Variants in HADHA observed in about 807,000 individuals in gnomAD.
HADHA encodes the protein hydroxyacyl-CoA dehydrogenase trifunctional multienzyme complex subunit alpha.
Under a neutral mutation model 91.3 loss-of-function variants are expected in HADHA, and 59 were observed. The observed-to-expected ratio is 0.65, with a 90% CI of 0.52 to 0.80. The LOEUF (loss-of-function observed/expected upper bound fraction) is 0.80, where lower values mean the gene tolerates loss of function less well. Among genes scored for constraint, HADHA ranks in the 30% least tolerant of loss-of-function variants. The probability of loss-of-function intolerance (pLI) is 0.00; values close to 1 mark genes in which losing one functional copy is unlikely to be tolerated. For synonymous variants in HADHA, 320 were observed against 338.9 expected, an observed-to-expected ratio of 0.94 and a Z score of 0.61; for missense variants, 800 against 927.6, an observed-to-expected ratio of 0.86 and a Z score of 1.79.
rs575846672 is a variant in HADHA at position 26,221,062 on chromosome 2, C to T, written c.677-5887G>A. On this transcript the variant is annotated intron_variant, in intron 7 of 19. Transcript: ENST00000380649. The surrounding 1 kb of genome is among the most constrained non-coding windows in gnomAD (Gnocchi z 4.8). ...CAAAGGGTAAGTGTTGCACGTGGCC[C>T]CTCCTACCACAAAAAAACACGGAGA... Among the ~76,000 whole-genome samples, 25 of 152,222 alleles carry T rather than the reference C, an allele frequency of 1.6e-4. No homozygotes were observed. The highest frequency in any genetic ancestry group is 5.8e-4 in the African/African-American group (24 of 41,530).
Position 26,244,608 on chromosome 2 carries a change from G to C in HADHA, c.-12C>G, listed in dbSNP as rs374399738. The C allele has an allele frequency of 3.2e-6, 5 of 1,571,840 alleles. No homozygotes were observed. The highest frequency in any genetic ancestry group is 1.2e-5 in the South Asian group (1 of 85,786). On this transcript the variant is annotated 5_prime_UTR_variant, in exon 1 of 20. Transcript: ENST00000380649. ...CGGCAGGCCACCATCTTGAGCTGAA[G>C]AGGACAGCAGTGGAGAGCGCCTCTA...
rs1669829102 is a variant in HADHA, at chr2:26,201,341, G to A, written c.1221-21C>T. The A allele has an allele frequency of 1.9e-6, 3 of 1,553,380 alleles. No individual in the cohort carries two copies. In the Admixed American group the frequency reaches 5.0e-5, roughly 26 times the overall value. ...TCAATCTAGAAAAAACACATTCCTA[G>A]TTAGATGGGAAGAAAAGGAAACTAA... is the stretch of plus-strand genomic sequence containing the variant. On this transcript the variant is annotated intron_variant, in intron 12 of 19. Transcript: ENST00000380649.
chr2:26,198,798 C>T (rs1334651906), intron 13 of HADHA, among the ~76,000 whole-genome samples: 2 of 151,860 alleles, frequency 1.3e-5, no homozygotes, highest in African/African-American at 2.4e-5. Context: ...AACTATAATC[C>T]CAACACTTCA....
intron 1 of HADHA, 24 bp from the exon 2 acceptor site, chr2:26,239,167 T>A (rs1199526641): frequency 6.5e-7 from 1 of 1,534,254 alleles, no homozygotes; most frequent in Admixed American, 1.7e-5. Flanking sequence ...CATTTCAAAA[T>A]TAATTTGCGA....
chr2:26,231,016 A>C (rs1040278102), intron 6 of HADHA, among the ~76,000 whole-genome samples: 4 of 152,202 alleles, frequency 2.6e-5, no homozygotes, highest in African/African-American at 9.6e-5. Context: ...TTTTAAGCTT[A>C]ACAAAAATAG....
At chr2:26,201,826 G>C (rs1401568981) in intron 12 of HADHA, among the ~76,000 whole-genome samples, 1 of 150,750 alleles carries the variant, frequency 6.6e-6, no homozygotes, top group Non-Finnish European at 1.5e-5. Context: ...ACGGAGTCTC[G>C]CTCTGTTGCC....
chr2:26,244,629 C>T lies in HADHA; in HGVS notation c.-33G>A, dbSNP rs761913947. ...TGAAGAGGACAGCAGTGGAGAGCGC[C>T]TCTAACGGGTGCGGCCGAGCGGAGG... On this transcript the variant is annotated 5_prime_UTR_variant, in exon 1 of 20. Transcript: ENST00000380649. 2 of 1,560,214 alleles carry T rather than the reference C, an allele frequency of 1.3e-6. No individual in the cohort carries two copies. The highest frequency in any genetic ancestry group is 1.4e-5 in the African/African-American group (1 of 73,642).
At chr2:26,222,270 C>T (rs1044273005) in intron 7 of HADHA, among the ~76,000 whole-genome samples, 5 of 152,228 alleles carry the variant, frequency 3.3e-5, no homozygotes, top group Non-Finnish European at 5.9e-5. Flanking sequence ...AACCTGCTAA[C>T]ACCTGATCTT....
chr2:26,230,674 C>T (rs998408681), intron 6 of HADHA, among the ~76,000 whole-genome samples: 16 of 152,058 alleles, frequency 1.1e-4, no homozygotes, highest in African/African-American at 2.9e-4. Context: ...AATTCCAGCA[C>T]TTTGGGAGGC....
chr2:26,195,193 G>C lies in HADHA; in HGVS notation c.1519C>G (p.Gln507Glu), dbSNP rs745817992. Residue 507 changes from glutamine (Q) to glutamate (E), a missense_variant, in exon 15 of 20, where the codon CAG (glutamine) becomes GAG (glutamate). Coordinates refer to ENST00000380649, the MANE Select transcript of HADHA (RefSeq NM_000182.5). ...MHYFSPVDKM[Q>E]LLEIITTEKT... ...TCGGTCGTGATAATCTCCAGCAGCT[G>C]CATCTTGTCCACGGGAGAGAAGTAG... is the stretch of plus-strand genomic sequence containing the variant. 1.9e-6 allele frequency: 3 copies of C among 1,611,508 alleles called. No individual in the cohort carries two copies. Among genetic ancestry groups the C allele is most frequent in the African/African-American group, 1.3e-5 (1 of 74,800 alleles).
chr2:26,213,792 G>C (rs2147769160), intron 9 of HADHA, among the ~76,000 whole-genome samples: 1 of 152,294 alleles, frequency 6.6e-6, no homozygotes, highest in Non-Finnish European at 1.5e-5. Flanking sequence ...GAAGGCAGGT[G>C]GGGGCATGTT....
chr2:26,203,084 T>G (rs1669885896), intron 12 of HADHA, among the ~76,000 whole-genome samples: 1 of 152,228 alleles, frequency 6.6e-6, no homozygotes, highest in Non-Finnish European at 1.5e-5. Context: ...GCATGCTAGT[T>G]TCAGGGCACT....
chr2:26,197,799 C>A (rs1444651280), intron 13 of HADHA, 22 bp from the exon 14 acceptor site: 1 of 1,198,358 alleles, frequency 8.3e-7, no homozygotes, highest in Admixed American at 1.7e-5. Flanking sequence ...AAGCATTTAA[C>A]AATGTGTCAG....
chr2:26,235,971 AT>A (rs1162731881), intron 4 of HADHA, among the ~76,000 whole-genome samples: 13 of 152,232 alleles, frequency 8.5e-5, no homozygotes, highest in African/African-American at 2.9e-4. Flanking sequence ...CAAAGCAGCC[AT>A]CTTCATGTTT....
intron 7 of HADHA, among the ~76,000 whole-genome samples, chr2:26,220,203 G>T (rs1670342236): frequency 6.6e-6 from 1 of 152,196 alleles, no homozygotes; most frequent in Non-Finnish European, 1.5e-5. Flanking sequence ...TTTAGCTCAG[G>T]TCTGTCTCAG....
chr2:26,201,879 CTT>C (rs756287138), intron 12 of HADHA, among the ~76,000 whole-genome samples: 3 of 151,592 alleles, frequency 2.0e-5, no homozygotes, highest in Non-Finnish European at 4.4e-5. Context: ...ACTGCAACCT[CTT>C]GTCTCCTGGG....
chr2:26,192,516 G>GCCACCACGCC, intron 17 of HADHA, 92 bp from the exon 18 acceptor site: 1 of 787,164 alleles, frequency 1.3e-6, no homozygotes, highest in Non-Finnish European at 2.3e-6. Flanking sequence ...GCCAGGCGTG[G>GCCACCACGCC]TGGCTCACGC....
chr2:26,217,890 G>C (rs1670278482), intron 7 of HADHA, among the ~76,000 whole-genome samples: 1 of 152,132 alleles, frequency 6.6e-6, no homozygotes, highest in South Asian at 2.1e-4. Context: ...CTGGGCAACA[G>C]AGCAAGACCC....
Position 26,236,981 on chromosome 2 carries a change from G to A in HADHA, c.188C>T (p.Thr63Ile). The part of the protein sequence containing the change: ...RINSPNSKVN[T>I]LSKELHSEFS... ...CTCTGAATGTAGCTCTTTACTCAGT[G>A]TATTTACCTGCCAAAGGGAAATATA... Residue 63 changes from threonine to isoleucine, a missense_variant, in exon 4 of 20, where the codon ACA becomes ATA. Coordinates refer to ENST00000380649, the MANE Select transcript of HADHA (RefSeq NM_000182.5). 2 of 1,607,446 alleles carry A rather than the reference G, an allele frequency of 1.2e-6. No individual in the cohort carries two copies. The highest frequency in any genetic ancestry group is 1.7e-6 in the Non-Finnish European group (2 of 1,173,918).
Sources: gnomAD v4.1 joint callset for allele counts (sites outside exome capture counted in the v4.1 genomes callset) on GRCh38, gnomAD v4.1.1 for gene constraint, Gnocchi (gnomAD v3.1) non-coding constraint, MANE v1.5 for transcripts, NCBI Gene and HGNC (gene_info 2026-07-23, HGNC 2026-07-21) for gene names.